The following DLC1 variants were observed in gnomAD, a reference collection of about 807,000 sequenced individuals.
DLC1 encodes the protein rho GTPase-activating protein 7.
In DLC1, 54 loss-of-function variants were observed where a neutral mutation model predicts 140.3. The observed-to-expected ratio is 0.38, with a 90% CI of 0.31 to 0.48. DLC1 has a LOEUF of 0.48. Ranked by LOEUF, DLC1 falls within the 20% of genes least tolerant of loss-of-function variation. The pLI is 0.96. For missense variants in DLC1, 2,536 were observed against 1,907.0 expected (o/e 1.33, Z -6.14); for synonymous variants, 986 against 728.1 (o/e 1.35, Z -5.70).
chr8:13,159,789 C>T (rs189663553), intron 5 of DLC1, among the ~76,000 whole-genome samples: 1 of 149,968 alleles, frequency 6.7e-6, no homozygotes, highest in African/African-American at 2.5e-5. Context: ...GTGTGTGAAT[C>T]TGAAGGGCAA....
chr8:13,581,767 C>G (rs769019247), intron 1 of DLC1, among the ~76,000 whole-genome samples: 4 of 152,192 alleles, frequency 2.6e-5, no homozygotes, highest in Non-Finnish European at 4.4e-5. Context: ...ACCTCTTTAT[C>G]AGGCCATGCA....
intron 5 of DLC1, among the ~76,000 whole-genome samples, chr8:13,275,706 G>A (rs933302117): frequency 2.0e-5 from 3 of 152,082 alleles, no homozygotes; most frequent in Non-Finnish European, 4.4e-5. Flanking sequence ...TATTTCAAAC[G>A]CCTGCCTCTG....
intron 1 of DLC1, among the ~76,000 whole-genome samples, chr8:13,580,878 T>G (rs1805070024): frequency 6.6e-6 from 1 of 152,140 alleles, no homozygotes; most frequent in Admixed American, 6.5e-5. Flanking sequence ...GAGAATGGAT[T>G]GTTTTCTATT....
chr8:13,584,408 C>G (rs748845381), intron 1 of DLC1: 5 of 152,894 alleles, frequency 3.3e-5, no homozygotes, highest in Non-Finnish European at 5.9e-5. Flanking sequence ...ATTGGTGCAG[C>G]TGCTCCTCAT....
Position 13,528,410 on chromosome 8 carries a change from G to A in DLC1, c.-125-28214C>T, listed in dbSNP as rs538986664. Among the ~76,000 whole-genome samples, 3 of 152,066 alleles carry A rather than the reference G, an allele frequency of 2.0e-5. No individual in the cohort carries two copies. The South Asian group carries it at 6.2e-4, about 32-fold the overall frequency. ...TTGTAAGTTGAAGAAAAATATGTTG[G>A]GCAGCAAGTAGCAAAAACGTTGCCA... On this transcript the variant is annotated intron_variant, in intron 1 of 1. Transcript: ENST00000631382.
At chr8:13,237,312 A>G (rs1829331146) in intron 5 of DLC1, among the ~76,000 whole-genome samples, 1 of 148,416 alleles carries the variant, frequency 6.7e-6, no homozygotes. Context: ...ATATATACAT[A>G]TATATCAGCT....
intron 2 of DLC1, among the ~76,000 whole-genome samples, chr8:13,458,951 A>C (rs988985927): frequency 6.6e-6 from 1 of 151,470 alleles, no homozygotes; most frequent in African/African-American, 2.5e-5. Context: ...TGATATAAAC[A>C]GCATTTTTTG....
intron 5 of DLC1, among the ~76,000 whole-genome samples, chr8:13,141,480 C>A (rs983029473): frequency 2.0e-5 from 3 of 152,100 alleles, no homozygotes; most frequent in African/African-American, 7.2e-5. Context: ...CAGCCTTTCA[C>A]CTTGTCAGTA....
At chr8:13,407,937 A>G (rs1837636120) in intron 2 of DLC1, among the ~76,000 whole-genome samples, 1 of 152,150 alleles carries the variant, frequency 6.6e-6, no homozygotes, top group African/African-American at 2.4e-5. Context: ...CTCATTCTAG[A>G]CTTTCCTTTC....
At chr8:13,534,943 A>G (rs568833530) in intron 1 of DLC1, among the ~76,000 whole-genome samples, 2 of 149,258 alleles carry the variant, frequency 1.3e-5, no homozygotes, top group South Asian at 2.1e-4. Flanking sequence ...CTGATGTAGT[A>G]CAGCTGACTC....
chr8:13,143,073 G>A (rs928712585), intron 5 of DLC1, among the ~76,000 whole-genome samples: 1 of 150,514 alleles, frequency 6.6e-6, no homozygotes, highest in East Asian at 1.9e-4. Flanking sequence ...GAATTAGAGG[G>A]AGAAACTAAC....
rs575064435 is a variant in DLC1 at position 13,389,713 on chromosome 8, T to C, written c.1314+3840A>G. Among the ~76,000 whole-genome samples the C allele has an allele frequency of 2.6e-5, 4 of 152,168 alleles. No homozygotes were observed. In the East Asian group the frequency reaches 5.8e-4, roughly 22 times the overall value. ...AAAGAAAAATAATCTTACTGAAAAA[T>C]AGGCACTTAGAAACCCAGAGACCTT... On this transcript the variant is annotated intron_variant, in intron 4 of 17. Coordinates refer to ENST00000276297, the MANE Select transcript of DLC1 (RefSeq NM_182643.3).
intron 6 of DLC1, among the ~76,000 whole-genome samples, chr8:13,112,320 C>A (rs535775179): frequency 6.6e-6 from 1 of 152,106 alleles, no homozygotes; most frequent in South Asian, 2.1e-4. Flanking sequence ...CTTATGATTA[C>A]TGGTTTTATG....
At chr8:13,399,518 T>C (rs548155794) in intron 3 of DLC1, among the ~76,000 whole-genome samples, 2 of 152,308 alleles carry the variant, frequency 1.3e-5, no homozygotes, top group East Asian at 1.9e-4. Flanking sequence ...TAGCACTCAC[T>C]AAATACTTAG....
At chr8:13,169,842 T>C (rs1027761818) in intron 5 of DLC1, among the ~76,000 whole-genome samples, 3 of 149,426 alleles carry the variant, frequency 2.0e-5, no homozygotes, top group Non-Finnish European at 3.0e-5. Context: ...ATGGGCAACA[T>C]AGAAATACCT....
chr8:13,225,456 A>G (rs1277541266), intron 5 of DLC1, among the ~76,000 whole-genome samples: 1 of 152,154 alleles, frequency 6.6e-6, no homozygotes, highest in Non-Finnish European at 1.5e-5. Context: ...TTCTGACCTC[A>G]CAGCTGGTTA....
intron 2 of DLC1, among the ~76,000 whole-genome samples, chr8:13,484,307 T>C (rs1800870977): frequency 6.6e-6 from 1 of 152,172 alleles, no homozygotes; most frequent in Non-Finnish European, 1.5e-5. Flanking sequence ...ACAGATGCAT[T>C]TTTACAGTGT....
intron 5 of DLC1, among the ~76,000 whole-genome samples, chr8:13,256,208 T>C (rs1239625033): frequency 6.6e-6 from 1 of 152,206 alleles, no homozygotes; most frequent in East Asian, 1.9e-4. Context: ...TGATAAGTTA[T>C]TAAATGTACA....
At chr8:13,177,180 T>C (rs1188463904) in intron 5 of DLC1, among the ~76,000 whole-genome samples, 1 of 152,206 alleles carries the variant, frequency 6.6e-6, no homozygotes, top group East Asian at 1.9e-4. Context: ...AGCCATTGAG[T>C]CTACTGTCTC....
Sources: gnomAD v4.1 joint callset for allele counts (sites outside exome capture counted in the v4.1 genomes callset) on GRCh38, gnomAD v4.1.1 for gene constraint, MANE v1.5 for transcripts, NCBI Gene and HGNC (gene_info 2026-07-23, HGNC 2026-07-21) for gene names.